Variants in PTPRZ1 observed in about 807,000 individuals in gnomAD.
The protein encoded by PTPRZ1 is receptor-type tyrosine-protein phosphatase zeta.
In PTPRZ1, 82 loss-of-function variants were observed where a neutral mutation model predicts 214.1. The observed-to-expected ratio is 0.38, with a 90% CI of 0.32 to 0.46. The LOEUF (loss-of-function observed/expected upper bound fraction) is 0.46. Among genes scored for constraint, PTPRZ1 ranks in the 20% least tolerant of loss-of-function variants. The probability of loss-of-function intolerance (pLI) is 1.00; values close to 1 mark genes in which losing one functional copy is unlikely to be tolerated. For missense variants in PTPRZ1, 2,603 were observed against 2,748.7 expected (o/e 0.95, Z 1.19); for synonymous variants, 945 against 987.9 (o/e 0.96, Z 0.81).
chr7:122,000,740 G>T (rs1426544410), intron 10 of PTPRZ1, among the ~76,000 whole-genome samples: 4 of 134,720 alleles, frequency 3.0e-5, no homozygotes, highest in Non-Finnish European at 6.2e-5. Flanking sequence ...AGGCTGGAAT[G>T]CAGTGGTGCA....
chr7:121,959,127 G>C (rs1268768855), intron 2 of PTPRZ1, among the ~76,000 whole-genome samples: 1 of 152,124 alleles, frequency 6.6e-6, no homozygotes. Flanking sequence ...CCGGCCCCTA[G>C]TTAATGACTT....
Position 122,012,433 on chromosome 7 carries a change from T to C in PTPRZ1, c.3387T>C (p.His1129=), listed in dbSNP as rs781429441. The part of the protein sequence containing the change: ...PENNFSVQPT[H]TVSQASGDTS... ...ATAACTTTTCAGTTCAACCTACACA[T>C]ACTGTCTCTCAAGCATCTGGTGACA... The change falls in exon 12 of 30, where the codon CAT becomes CAC. Residue 1129 remains histidine (H), a synonymous_variant. Coordinates refer to ENST00000393386, the MANE Select transcript of PTPRZ1 (RefSeq NM_002851.3). 1.9e-6 allele frequency: 3 copies of C among 1,613,718 alleles called. No individual in the cohort carries two copies. The highest frequency in any genetic ancestry group is 2.5e-6 in the Non-Finnish European group (3 of 1,179,680).
intron 3 of PTPRZ1, among the ~76,000 whole-genome samples, chr7:121,969,975 A>T (rs1327931180): frequency 2.6e-5 from 3 of 113,704 alleles, no homozygotes; most frequent in Non-Finnish European, 5.0e-5. Flanking sequence ...CAACAGGCCC[A>T]GGTGTGTGAT....
At position 122,036,480 on chromosome 7, in the gene PTPRZ1, A is replaced by G. The variant is rs887156581; in HGVS notation, c.5285-120A>G. 16 of 701,174 alleles carry G rather than the reference A, an allele frequency of 2.3e-5. No individual in the cohort carries two copies. The African/African-American group carries it at 2.7e-4, about 12-fold the overall frequency. The allele number at this position is 701,174 out of a possible 1,614,324, so 43.4% of individuals were successfully genotyped here. A position where few individuals can be genotyped will look rare whatever the true frequency, so the allele number is the denominator to read the frequency against. On this transcript the variant is annotated intron_variant, in intron 17 of 29. Transcript: ENST00000393386. ...TCTGTATCCCCAAAAAGCCTATGAA[A>G]GTAAATGATTGCTTGTGTTGATTTT...
At chr7:121,994,380 C>T (rs1049687605) in intron 8 of PTPRZ1, among the ~76,000 whole-genome samples, 4 of 143,308 alleles carry the variant, frequency 2.8e-5, no homozygotes, top group African/African-American at 5.2e-5. Context: ...CTGCAAGCTC[C>T]GCATCCCGGG....
chr7:121,873,937 T>C (rs1395314889), intron 1 of PTPRZ1, among the ~76,000 whole-genome samples: 1 of 152,038 alleles, frequency 6.6e-6, no homozygotes, highest in African/African-American at 2.4e-5. Context: ...AATACAGCTG[T>C]GGTGCGGGGC....
chr7:121,891,898 A>G (rs1794637524), intron 1 of PTPRZ1, among the ~76,000 whole-genome samples: 1 of 152,118 alleles, frequency 6.6e-6, no homozygotes, highest in South Asian at 2.1e-4. Context: ...CAGAGAAGAA[A>G]TGCATTACCA....
At chr7:121,919,466 T>C (rs1023886308) in intron 1 of PTPRZ1, among the ~76,000 whole-genome samples, 2 of 152,084 alleles carry the variant, frequency 1.3e-5, no homozygotes, top group African/African-American at 4.8e-5. Flanking sequence ...TCATTATACA[T>C]TTCTCTATAC....
intron 2 of PTPRZ1, chr7:121,966,956 C>T (rs1797064204): frequency 6.6e-6 from 1 of 152,132 alleles, no homozygotes; most frequent in Non-Finnish European, 1.5e-5. Flanking sequence ...ATGAAAACTA[C>T]ACTGCCACTC....
chr7:122,010,131 G>C (rs1292205802), intron 11 of PTPRZ1, among the ~76,000 whole-genome samples: 1 of 152,068 alleles, frequency 6.6e-6, no homozygotes, highest in Admixed American at 6.6e-5. Context: ...CCATAAATTA[G>C]GTGTTTTCAT....
Position 121,873,844 on chromosome 7 carries a change from C to T in PTPRZ1, c.58+287C>T, listed in dbSNP as rs183089360. The stretch of plus-strand genomic sequence containing the variant: ...ACTGGAGACGGAGGGCTACTCGGAT[C>T]CCTGCCGCCACCGTTCTTCTCTCCT... On this transcript the variant is annotated intron_variant, in intron 1 of 29. Coordinates refer to ENST00000393386, the MANE Select transcript of PTPRZ1 (RefSeq NM_002851.3). Among the ~76,000 whole-genome samples the T allele has an allele frequency of 5.9e-5, 9 of 152,280 alleles. 1 individual carries two copies. The East Asian group carries it at 1.7e-3, about 29-fold the overall frequency.
At chr7:121,928,298 G>A (rs948317338) in intron 2 of PTPRZ1, 77 bp downstream of exon 2, 1 of 1,064,918 alleles carries the variant, frequency 9.4e-7, no homozygotes, top group Non-Finnish European at 1.4e-6. Flanking sequence ...ATAAAAGGAA[G>A]CTTTGTAGCA....
chr7:122,012,498 C>T lies in PTPRZ1; in HGVS notation c.3452C>T (p.Ala1151Val). ...KPVLSANSEP[A>V]SSDPASSEML... ...GTGCTTAGTGCAAACTCAGAGCCAG[C>T]ATCCTCTGACCCTGCTTCTAGTGAA... The change falls in exon 12 of 30, where the codon GCA (alanine) becomes GTA (valine). Residue 1151 changes from alanine to valine, a missense_variant. Transcript: ENST00000393386. The T allele has an allele frequency of 6.2e-7, 1 of 1,614,064 alleles. No individual in the cohort carries two copies. Among genetic ancestry groups the T allele is most frequent in the Non-Finnish European group, 8.5e-7 (1 of 1,179,962 alleles).
chr7:121,880,929 A>C (rs563676172), intron 1 of PTPRZ1, among the ~76,000 whole-genome samples: 1 of 152,274 alleles, frequency 6.6e-6, no homozygotes, highest in East Asian at 1.9e-4. Flanking sequence ...TGTGTGTTTT[A>C]GTGCACAAAA....
chr7:121,951,679 T>C (rs1430922710), intron 2 of PTPRZ1, among the ~76,000 whole-genome samples: 3 of 152,190 alleles, frequency 2.0e-5, no homozygotes, highest in African/African-American at 7.2e-5. Context: ...TGCCTCTTCA[T>C]CTCCTCAAAT....
Position 122,013,052 on chromosome 7 carries a change from AT to A in PTPRZ1, c.4010del (p.Leu1337Ter). ...AAATAAGCTTATACATTCCGATGAA[AT>A]TTTAACCTCCACCAAAAGTTCTGTT... ...LINKLIHSDEILTSTKSSVTG... is the reference protein window; with the variant it reads ...LINKLIHSDEXLTSTKSSVTG... On this transcript the variant is annotated frameshift_variant, in exon 12 of 30. Coordinates refer to ENST00000393386, the MANE Select transcript of PTPRZ1 (RefSeq NM_002851.3). LOFTEE classifies it high-confidence loss of function. 6.2e-7 allele frequency: 1 copy of A among 1,613,852 alleles called. No individual in the cohort carries two copies. The highest frequency in any genetic ancestry group is 8.5e-7 in the Non-Finnish European group (1 of 1,179,720).
At chr7:121,906,388 A>G (rs1014006710) in intron 1 of PTPRZ1, among the ~76,000 whole-genome samples, 9 of 152,202 alleles carry the variant, frequency 5.9e-5, no homozygotes, top group African/African-American at 2.2e-4. Flanking sequence ...AGTAGTTAAA[A>G]TAAAACTATA....
chr7:121,972,499 T>G (rs773317923), intron 3 of PTPRZ1, 42 bp from the exon 4 acceptor site: 1 of 1,508,824 alleles, frequency 6.6e-7, no homozygotes, highest in East Asian at 2.3e-5. Flanking sequence ...TTTAAAATTT[T>G]GATTTTCAGA....
At chr7:121,987,956 G>A (rs1440276790) in intron 8 of PTPRZ1, among the ~76,000 whole-genome samples, 1 of 152,160 alleles carries the variant, frequency 6.6e-6, no homozygotes, top group African/African-American at 2.4e-5. Flanking sequence ...ACTTATAAGT[G>A]GGAGCTAAAC....
Sources: allele counts gnomAD v4.1 joint callset (sites outside exome capture counted in the v4.1 genomes callset), GRCh38; gene constraint gnomAD v4.1.1; transcripts MANE v1.5; gene names NCBI Gene and HGNC (gene_info 2026-07-23, HGNC 2026-07-21).